Variants in BIN2 observed in about 807,000 individuals in gnomAD.
The protein encoded by BIN2 is bridging integrator 2.
A neutral mutation model predicts 67.9 loss-of-function variants in BIN2; 43 were observed. The observed-to-expected ratio is 0.63, with a 90% CI of 0.50 to 0.82. The LOEUF is 0.82. Ranked by LOEUF, BIN2 falls within the 40% of genes least tolerant of loss-of-function variation. The pLI, the probability that BIN2 is intolerant of heterozygous loss-of-function variation, is 0.00. For synonymous variants in BIN2, 244 were observed against 246.8 expected (o/e 0.99, Z 0.11); for missense variants, 581 against 671.6 (o/e 0.87, Z 1.49).
upstream of BIN2, chr12:51,324,311 T>C (rs2137464585): frequency 7.4e-7 from 1 of 1,356,372 alleles, no homozygotes; most frequent in Non-Finnish European, 9.6e-7. Flanking sequence ...GCCCGGGGCC[T>C]ACCCTCAGGC....
intron 9 of BIN2, 75 bp from the exon 10 acceptor site, chr12:51,292,419 A>G: frequency 7.2e-7 from 1 of 1,394,538 alleles, no homozygotes; most frequent in South Asian, 1.4e-5. Context: ...CTTACGATGC[A>G]TGTAATAAAA....
At chr12:51,284,673 G>A (rs747963940) in intron 12 of BIN2, 43 bp downstream of exon 12, 1 of 1,479,434 alleles carries the variant, frequency 6.8e-7, no homozygotes, top group South Asian at 1.1e-5. Context: ...CCAAACCCCT[G>A]TCAATCTAAT....
At chr12:51,313,774 C>T (rs772615741) in intron 2 of BIN2, 49 bp downstream of exon 2, 16 of 1,508,888 alleles carry the variant, frequency 1.1e-5, no homozygotes, top group Non-Finnish European at 1.3e-5. Flanking sequence ...ACTCAGCCCT[C>T]GTGTCTCCTT....
intron 2 of BIN2, among the ~76,000 whole-genome samples, chr12:51,308,739 G>A (rs1041814559): frequency 5.0e-4 from 76 of 152,288 alleles, no homozygotes; most frequent in African/African-American, 1.5e-3. Context: ...TGTTGCTTGA[G>A]GAAAATAATC....
intron 11 of BIN2, among the ~76,000 whole-genome samples, chr12:51,285,208 G>A (rs1353662031): frequency 7.2e-5 from 11 of 152,146 alleles, no homozygotes; most frequent in Admixed American, 3.9e-4. Flanking sequence ...TTCATGACAC[G>A]CAGTTAGGAG....
At chr12:51,303,014 T>G (rs1945770943) in intron 3 of BIN2, 73 bp downstream of exon 3, 11 of 1,513,466 alleles carry the variant, frequency 7.3e-6, no homozygotes, top group Non-Finnish European at 1.0e-5. Context: ...GGGGTATGGC[T>G]ATTGTTTTCC....
At chr12:51,311,430 C>T (rs1945992485) in intron 2 of BIN2, among the ~76,000 whole-genome samples, 1 of 152,120 alleles carries the variant, frequency 6.6e-6, no homozygotes, top group Non-Finnish European at 1.5e-5. Context: ...CCTAGGCTGG[C>T]ATGCACTGGT....
At chr12:51,302,588 C>A in intron 4 of BIN2, 98 bp downstream of exon 4, 1 of 1,047,574 alleles carries the variant, frequency 9.5e-7, no homozygotes, top group Non-Finnish European at 1.5e-6. Context: ...GAACTGGCTC[C>A]TTTGTTTTCC....
Position 51,284,796 on chromosome 12 carries a change from A to G in BIN2, c.1597-9T>C. The G allele has an allele frequency of 3.7e-6, 6 of 1,610,308 alleles. No homozygotes were observed. Among genetic ancestry groups the G allele is most frequent in the Non-Finnish European group, 5.1e-6 (6 of 1,176,646 alleles). On this transcript the variant is annotated splice_polypyrimidine_tract_variant and intron_variant, in intron 11 of 12. Transcript: ENST00000615107. ...TGAAGCTGGTCTTGGCCCTACAAAG[A>G]GAAGAGTTCTGCCAGTAAGAGGTGG...
intron 1 of BIN2, among the ~76,000 whole-genome samples, chr12:51,323,466 A>C (rs764023492): frequency 1.3e-5 from 2 of 149,712 alleles, no homozygotes; most frequent in East Asian, 1.9e-4. Context: ...AGGGTAGAAG[A>C]AGCAGATTTG....
At chr12:51,287,683 G>T (rs1353883904) in intron 11 of BIN2, among the ~76,000 whole-genome samples, 2 of 140,592 alleles carry the variant, frequency 1.4e-5, no homozygotes, top group South Asian at 2.3e-4. Flanking sequence ...ACGGAGTCTC[G>T]CTCTGTCACC....
Position 51,291,854 on chromosome 12 carries a change from G to A in BIN2, c.1252C>T (p.Pro418Ser), listed in dbSNP as rs1254062535. The A allele has an allele frequency of 6.2e-7, 1 of 1,614,152 alleles. No individual in the cohort carries two copies. The highest frequency in any genetic ancestry group is 8.5e-7 in the Non-Finnish European group (1 of 1,180,014). ...GGGCTTGCAGTGGCTCTGGGTGGAG[G>A]AGGCCTACTAGGGGGTGCTGAGGTC... Reference protein sequence around the residue: ...QRTSAPPSRPPPPRATASPRP... With the variant: ...QRTSAPPSRPSPPRATASPRP... Residue 418 changes from proline to serine, a missense_variant, in exon 10 of 13, where the codon CCT becomes TCT. Pro to Ser is a moderately conservative substitution (Grantham distance 74). Transcript: ENST00000615107.
intron 1 of BIN2, chr12:51,322,705 G>T (rs1200936671): frequency 6.6e-6 from 1 of 151,988 alleles, no homozygotes; most frequent in East Asian, 1.9e-4. Flanking sequence ...CTGCTCTCGG[G>T]TCTACCAGAT....
intron 2 of BIN2, among the ~76,000 whole-genome samples, chr12:51,307,898 C>T (rs1256554113): frequency 6.6e-6 from 1 of 152,128 alleles, no homozygotes; most frequent in African/African-American, 2.4e-5. Context: ...TCCACTGCAG[C>T]TCACAAAAGC....
chr12:51,322,273 G>A (rs1186994879), intron 1 of BIN2, among the ~76,000 whole-genome samples: 4 of 152,222 alleles, frequency 2.6e-5, no homozygotes, highest in African/African-American at 9.6e-5. Context: ...ATTTAGCCAA[G>A]GTTTGGAGTC....
intron 2 of BIN2, among the ~76,000 whole-genome samples, chr12:51,306,924 G>A (rs890408502): frequency 3.9e-5 from 6 of 152,184 alleles, no homozygotes; most frequent in African/African-American, 1.4e-4. Context: ...GTAGAGGTTT[G>A]AGAATTTTGA....
At chr12:51,295,623 T>G (rs200561070) in intron 9 of BIN2, among the ~76,000 whole-genome samples, 173 bp downstream of exon 9, 2 of 92,712 alleles carry the variant, frequency 2.2e-5, no homozygotes, top group South Asian at 3.2e-4. Flanking sequence ...TATATATATA[T>G]ATATATATTT....
intron 1 of BIN2, among the ~76,000 whole-genome samples, chr12:51,319,072 T>C (rs192487236): frequency 6.6e-6 from 1 of 152,338 alleles, no homozygotes; most frequent in East Asian, 1.9e-4. Flanking sequence ...TTGTTAGTGG[T>C]AAGTGCAGCT....
intron 9 of BIN2, among the ~76,000 whole-genome samples, chr12:51,295,118 CT>C (rs1387350170): frequency 1.1e-4 from 16 of 151,458 alleles, no homozygotes; most frequent in Non-Finnish European, 2.2e-4. Context: ...TTCTTTTAAT[CT>C]TTTTTTGTAG....
Sources: gnomAD v4.1 joint callset for allele counts (sites outside exome capture counted in the v4.1 genomes callset) on GRCh38, gnomAD v4.1.1 for gene constraint, MANE v1.5 for transcripts, NCBI Gene and HGNC (gene_info 2026-07-23, HGNC 2026-07-21) for gene names.